Variants in OSBPL6 observed in about 807,000 individuals in gnomAD.
OSBPL6 encodes the protein oxysterol binding protein like 6.
In OSBPL6, 49 loss-of-function variants were observed where a neutral mutation model predicts 125.8. The ratio of observed to expected loss-of-function variants is 0.39; its 90% CI spans 0.31 to 0.49. The LOEUF (loss-of-function observed/expected upper bound fraction) is 0.49. Among genes scored for constraint, OSBPL6 ranks in the 20% least tolerant of loss-of-function variants. The pLI, the probability that OSBPL6 is intolerant of heterozygous loss-of-function variation, is 0.88. For synonymous variants in OSBPL6, 394 were observed against 391.8 expected (o/e 1.01, Z -0.07); for missense variants, 986 against 1,135.4 (o/e 0.87, Z 1.89).
chr2:178,266,269 T>G (rs536857434), intron 1 of OSBPL6, among the ~76,000 whole-genome samples: 1 of 152,294 alleles, frequency 6.6e-6, no homozygotes, highest in Admixed American at 6.5e-5. Flanking sequence ...ATATGTGTGT[T>G]TCTGATTTTT....
intron 8 of OSBPL6, among the ~76,000 whole-genome samples, chr2:178,333,646 A>G (rs1170894176): frequency 6.6e-6 from 1 of 152,198 alleles, no homozygotes; most frequent in African/African-American, 2.4e-5. Context: ...GGAAGTAAGT[A>G]AACATTTATT....
At chr2:178,384,604 TAGAG>T (rs1388667367) in intron 18 of OSBPL6, among the ~76,000 whole-genome samples, 1 of 152,172 alleles carries the variant, frequency 6.6e-6, no homozygotes, top group Non-Finnish European at 1.5e-5. Context: ...GAGAGGGTGG[TAGAG>T]AGAGAGTCAC....
intron 1 of OSBPL6, among the ~76,000 whole-genome samples, chr2:178,237,316 G>A (rs776738675): frequency 2.0e-5 from 3 of 151,082 alleles, no homozygotes; most frequent in Admixed American, 1.3e-4. Flanking sequence ...TAAGATCAAG[G>A]CTATCAGATA....
At chr2:178,377,983 C>G (rs1337451975) in intron 15 of OSBPL6, among the ~76,000 whole-genome samples, 1 of 152,054 alleles carries the variant, frequency 6.6e-6, no homozygotes, top group African/African-American at 2.4e-5. Flanking sequence ...CATGCACCAC[C>G]ACGCCTGGCT....
chr2:178,272,425 T>C (rs1475729558), intron 1 of OSBPL6, among the ~76,000 whole-genome samples: 1 of 152,202 alleles, frequency 6.6e-6, no homozygotes, highest in Non-Finnish European at 1.5e-5. Flanking sequence ...ACGCAGATCT[T>C]GAAAGCTCTT....
intron 1 of OSBPL6, among the ~76,000 whole-genome samples, chr2:178,239,638 T>G: frequency 6.7e-6 from 1 of 148,304 alleles, no homozygotes; most frequent in East Asian, 1.9e-4. Flanking sequence ...ATTTATTTAT[T>G]TATTTGCGAT....
At chr2:178,263,442 C>T (rs1329293973) in intron 1 of OSBPL6, among the ~76,000 whole-genome samples, 1 of 152,160 alleles carries the variant, frequency 6.6e-6, no homozygotes, top group Non-Finnish European at 1.5e-5. Flanking sequence ...TGCACCATTG[C>T]ACTTCAGCCT....
intron 3 of OSBPL6, among the ~76,000 whole-genome samples, chr2:178,307,907 G>A (rs917005424): frequency 5.3e-5 from 8 of 152,142 alleles, no homozygotes; most frequent in African/African-American, 9.7e-5. Flanking sequence ...GGACGGGCAC[G>A]CAAAGCAATA....
chr2:178,327,826 A>G (rs948134773), intron 4 of OSBPL6, among the ~76,000 whole-genome samples: 12 of 152,072 alleles, frequency 7.9e-5, no homozygotes, highest in Admixed American at 7.9e-4. Flanking sequence ...GCCACTTGAG[A>G]CAACAGCAGC....
chr2:178,364,625 G>A (rs1166055653), intron 13 of OSBPL6, among the ~76,000 whole-genome samples: 1 of 152,186 alleles, frequency 6.6e-6, no homozygotes, highest in Non-Finnish European at 1.5e-5. Context: ...GTATGTGAAA[G>A]TTATTGTCCC....
chr2:178,275,571 C>G (rs2092452996), intron 1 of OSBPL6, among the ~76,000 whole-genome samples: 1 of 151,832 alleles, frequency 6.6e-6, no homozygotes, highest in Non-Finnish European at 1.5e-5. Context: ...TTTCAGGTGC[C>G]CTTGATATAT....
intron 1 of OSBPL6, among the ~76,000 whole-genome samples, chr2:178,209,285 A>C (rs750397232): frequency 9.9e-5 from 15 of 151,660 alleles, no homozygotes; most frequent in Non-Finnish European, 1.9e-4. Context: ...TTGCTGTCAT[A>C]TTTCTTTGTT....
rs1397348707 is a variant in OSBPL6, at chr2:178,382,418, A to C, written c.1534-2A>C. 1 of 1,596,170 alleles carries C rather than the reference A, an allele frequency of 6.3e-7. No homozygotes were observed. The highest frequency in any genetic ancestry group is 8.5e-7 in the Non-Finnish European group (1 of 1,169,906). ...ATCCTTGTATGTTCTTCCCTTCCTT[A>C]GGCTTCAGATGATGAGTCTTACATC... On this transcript the variant is annotated splice_acceptor_variant, in intron 15 of 24. Transcript: ENST00000190611. LOFTEE classifies it high-confidence loss of function.
intron 1 of OSBPL6, among the ~76,000 whole-genome samples, chr2:178,244,194 G>A (rs780368079): frequency 5.3e-5 from 8 of 152,100 alleles, no homozygotes; most frequent in Non-Finnish European, 1.2e-4. Context: ...CTTTGCACAT[G>A]CTACTCCCTC....
At chr2:178,376,993 ATAT>A (rs1373595589) in intron 15 of OSBPL6, among the ~76,000 whole-genome samples, 7 of 152,220 alleles carry the variant, frequency 4.6e-5, no homozygotes, top group African/African-American at 1.7e-4. Flanking sequence ...CAAGTGACAG[ATAT>A]TATGATGTTC....
intron 12 of OSBPL6, among the ~76,000 whole-genome samples, chr2:178,350,982 A>G (rs1691202600): frequency 6.6e-6 from 1 of 152,244 alleles, no homozygotes; most frequent in South Asian, 2.1e-4. Flanking sequence ...ACTGAAAGAC[A>G]AAAACCACAT....
chr2:178,291,405 G>T (rs1383724594), intron 2 of OSBPL6, among the ~76,000 whole-genome samples: 1 of 152,150 alleles, frequency 6.6e-6, no homozygotes, highest in African/African-American at 2.4e-5. Flanking sequence ...TCATCATCAT[G>T]CAGGTCCAGA....
intron 15 of OSBPL6, among the ~76,000 whole-genome samples, chr2:178,376,011 T>A (rs1381294046): frequency 6.6e-6 from 1 of 151,912 alleles, no homozygotes. Flanking sequence ...GATAAGAAGG[T>A]GGAGGGCAGG....
chr2:178,382,541 C>G (rs1281916781), intron 16 of OSBPL6, 34 bp downstream of exon 16: 1 of 1,613,586 alleles, frequency 6.2e-7, no homozygotes, highest in East Asian at 2.2e-5. Context: ...GTTGTTCTAT[C>G]TACATGCCAA....
Sources: gnomAD v4.1 joint callset for allele counts (sites outside exome capture counted in the v4.1 genomes callset) on GRCh38, gnomAD v4.1.1 for gene constraint, MANE v1.5 for transcripts, NCBI Gene and HGNC (gene_info 2026-07-23, HGNC 2026-07-21) for gene names.